The following TTLL11 variants were observed in gnomAD, a reference collection of about 807,000 sequenced individuals.
The protein encoded by TTLL11 is tubulin tyrosine ligase like 11.
TTLL11 carries 42 observed loss-of-function variants against 51.7 expected under a neutral mutation model. That is an observed-to-expected ratio of 0.81 (90% CI 0.64 to 1.05). The LOEUF (loss-of-function observed/expected upper bound fraction) is 1.05, where lower values mean the gene tolerates loss of function less well. TTLL11 is among the 50% of genes least tolerant of loss of function. The probability of loss-of-function intolerance (pLI) is 0.00; values close to 1 mark genes in which losing one functional copy is unlikely to be tolerated. For missense variants in TTLL11, 799 were observed against 940.4 expected, an observed-to-expected ratio of 0.85 and a Z score of 1.97; for synonymous variants, 381 against 383.5, an observed-to-expected ratio of 0.99 and a Z score of 0.08.
intron 6 of TTLL11, among the ~76,000 whole-genome samples, chr9:121,931,332 T>C (rs923875648): frequency 5.9e-5 from 9 of 152,208 alleles, no homozygotes; most frequent in African/African-American, 1.2e-4. Flanking sequence ...GGAAGCTAAG[T>C]GGCTGCAAGG....
At chr9:122,008,602 A>G (rs906453727) in intron 3 of TTLL11, among the ~76,000 whole-genome samples, 2 of 152,246 alleles carry the variant, frequency 1.3e-5, no homozygotes, top group Non-Finnish European at 2.9e-5. Flanking sequence ...ACCTTTGCAC[A>G]CTGTTGGTGG....
At position 122,042,293 on chromosome 9, in the gene TTLL11, G is replaced by A. The variant is rs558973443; in HGVS notation, c.463-2925C>T. 5.3e-5 allele frequency among the ~76,000 whole-genome samples: 8 copies of A among 152,004 alleles called. No individual in the cohort carries two copies. The South Asian group carries it at 1.5e-3, about 28-fold the overall frequency. On this transcript the variant is annotated intron_variant, in intron 1 of 8. Coordinates refer to ENST00000321582, the MANE Select transcript of TTLL11 (RefSeq NM_001139442.2). ...TGGGATTAAAGGCGTGAGTCACTGCGCCCAGGCTGGAGGTCTCACATTTCC... is the reference window on the plus strand; with the variant it reads ...TGGGATTAAAGGCGTGAGTCACTGCACCCAGGCTGGAGGTCTCACATTTCC...
intron 8 of TTLL11, among the ~76,000 whole-genome samples, chr9:121,826,553 GTGTGTATATATATA>G (rs1836804075): frequency 2.9e-4 from 13 of 45,224 alleles, no homozygotes; most frequent in African/African-American, 2.2e-3. Context: ...ATATATATGT[GTGTGTATATATATA>G]TATATATATA....
intron 8 of TTLL11, among the ~76,000 whole-genome samples, chr9:121,838,899 C>G (rs1361571999): frequency 6.6e-6 from 1 of 150,812 alleles, no homozygotes; most frequent in Non-Finnish European, 1.5e-5. Context: ...GCCCACCTTT[C>G]TTGCCCTGCT....
chr9:122,031,583 A>G lies in TTLL11; in HGVS notation c.693+140T>C, dbSNP rs959599296. 4 of 955,106 alleles carry G rather than the reference A, an allele frequency of 4.2e-6. No individual in the cohort carries two copies. The African/African-American group carries it at 6.6e-5, about 16-fold the overall frequency. 59.2% of individuals were successfully genotyped at this position (955,106 alleles called of 1,614,324 possible). ...CTGCAAGCTGTTTTGATAGCTGCCA[A>G]CACCTACTGTGTACTGTTAAGATGC... is the stretch of plus-strand genomic sequence containing the variant. On this transcript the variant is annotated intron_variant, in intron 3 of 8. Coordinates refer to ENST00000321582, the MANE Select transcript of TTLL11 (RefSeq NM_001139442.2).
At chr9:122,087,532 A>C (rs747500565) in intron 1 of TTLL11, among the ~76,000 whole-genome samples, 7 of 152,204 alleles carry the variant, frequency 4.6e-5, no homozygotes, top group African/African-American at 7.2e-5. Flanking sequence ...ACTATAATAG[A>C]TCTCAGGACA....
intron 2 of TTLL11, among the ~76,000 whole-genome samples, chr9:122,032,481 C>T (rs902045235): frequency 1.3e-5 from 2 of 152,182 alleles, no homozygotes; most frequent in African/African-American, 4.8e-5. Flanking sequence ...AGGACTGACA[C>T]TGACATTGAT....
chr9:122,070,011 A>ACG (rs571086097), intron 1 of TTLL11, among the ~76,000 whole-genome samples: 2,584 of 151,398 alleles, frequency 0.017, 58 homozygotes, highest in African/African-American at 0.059. Flanking sequence ...ACACACACAC[A>ACG]CGCGCACACA....
In TTLL11 at chr9:121,820,952, T is replaced by C. The variant is rs1024746629; in HGVS notation, c.*1635A>G. ...TCTGCTAGCAGCAGGGAAGGGGTGC[T>C]GCGCGGCAGCCACACCGTGGGGGAA... is the stretch of plus-strand genomic sequence containing the variant. On this transcript the variant is annotated 3_prime_UTR_variant, in exon 9 of 9. Coordinates refer to ENST00000321582, the MANE Select transcript of TTLL11 (RefSeq NM_001139442.2). Among the ~76,000 whole-genome samples, 1 of 27,360 alleles carries C rather than the reference T, an allele frequency of 3.7e-5. No homozygotes were observed. Among genetic ancestry groups the C allele is most frequent in the African/African-American group, 1.3e-4 (1 of 7,548 alleles). 17.9% of individuals were successfully genotyped at this position (27,360 alleles called of 152,430 possible).
intron 2 of TTLL11, among the ~76,000 whole-genome samples, chr9:122,033,318 G>A (rs1844608466): frequency 1.3e-5 from 2 of 152,062 alleles, no homozygotes; most frequent in Admixed American, 1.3e-4. Context: ...TCACCATGTT[G>A]GCCAGGCTGG....
chr9:122,089,473 T>C (rs1012598830), intron 1 of TTLL11, among the ~76,000 whole-genome samples: 4 of 152,344 alleles, frequency 2.6e-5, no homozygotes, highest in African/African-American at 9.6e-5. Flanking sequence ...TTAGTTTTCA[T>C]GCAGTCAACT....
chr9:121,900,526 G>A (rs954760817), intron 6 of TTLL11, among the ~76,000 whole-genome samples: 39 of 151,974 alleles, frequency 2.6e-4, no homozygotes, highest in African/African-American at 8.2e-4. Context: ...GATGTCTTTC[G>A]TTTCTATTCT....
At chr9:122,037,815 C>T (rs1165409666) in intron 2 of TTLL11, among the ~76,000 whole-genome samples, 1 of 152,172 alleles carries the variant, frequency 6.6e-6, no homozygotes, top group Non-Finnish European at 1.5e-5. Context: ...TGCCCTGTAT[C>T]CTTCTAAGTG....
At position 121,995,387 on chromosome 9, in the gene TTLL11, G is replaced by T. The variant is rs930867338; in HGVS notation, c.694-5617C>A. Among the ~76,000 whole-genome samples, 1 of 152,176 alleles carries T rather than the reference G, an allele frequency of 6.6e-6. No individual in the cohort carries two copies. The highest frequency in any genetic ancestry group is 6.5e-5 in the Admixed American group (1 of 15,282). On this transcript the variant is annotated intron_variant, in intron 3 of 8. Transcript: ENST00000321582. This position sits in a 1 kb window ranked among gnomAD's most constrained non-coding sequence, Gnocchi z 4.4. The stretch of plus-strand genomic sequence containing the variant: ...ATGAAACCAGGTGTAGGAAGGACCC[G>T]AGGCTATCAAAGGTCCAAAGGCCTG...
At chr9:122,085,483 T>G (rs1049989056) in intron 1 of TTLL11, among the ~76,000 whole-genome samples, 1 of 152,208 alleles carries the variant, frequency 6.6e-6, no homozygotes, top group Admixed American at 6.5e-5. Context: ...TGAGTGGCTG[T>G]GTCATCTGCT....
intron 6 of TTLL11, among the ~76,000 whole-genome samples, chr9:121,906,739 A>C (rs1012876526): frequency 1.3e-5 from 2 of 152,102 alleles, no homozygotes; most frequent in African/African-American, 2.4e-5. Flanking sequence ...ATCAGAAGAG[A>C]GTATTATTTC....
At chr9:121,839,182 G>A (rs557178400) in intron 8 of TTLL11, among the ~76,000 whole-genome samples, 6 of 152,302 alleles carry the variant, frequency 3.9e-5, no homozygotes, top group African/African-American at 4.8e-5. Context: ...GCATCACAAC[G>A]TCTAATTACA....
chr9:121,910,393 G>C (rs1446206928), intron 6 of TTLL11, among the ~76,000 whole-genome samples: 1 of 152,200 alleles, frequency 6.6e-6, no homozygotes, highest in Non-Finnish European at 1.5e-5. Context: ...TTCAAACACT[G>C]TTCTTCGTAA....
intron 7 of TTLL11, among the ~76,000 whole-genome samples, chr9:121,862,815 G>A (rs1564277933): frequency 6.6e-6 from 1 of 152,212 alleles, no homozygotes; most frequent in Non-Finnish European, 1.5e-5. Context: ...TCAGCTAATG[G>A]TGAAGTGGCT....
Sources: gnomAD v4.1 joint callset for allele counts (sites outside exome capture counted in the v4.1 genomes callset) on GRCh38, gnomAD v4.1.1 for gene constraint, Gnocchi (gnomAD v3.1) non-coding constraint, MANE v1.5 for transcripts, NCBI Gene and HGNC (gene_info 2026-07-23, HGNC 2026-07-21) for gene names.